Variants in CELF2 observed in about 807,000 individuals in gnomAD.
CELF2 encodes the protein CUG triplet repeat RNA-binding protein 2.
In CELF2, 8 loss-of-function variants were observed where a neutral mutation model predicts 62.6. The observed-to-expected ratio is 0.13, with a 90% CI of 0.07 to 0.23. The LOEUF is 0.23. CELF2 is among the 10% of genes least tolerant of loss of function. The probability of loss-of-function intolerance (pLI) is 1.00; values close to 1 mark genes in which losing one functional copy is unlikely to be tolerated. For synonymous variants in CELF2, 258 were observed against 250.0 expected, an observed-to-expected ratio of 1.03 and a Z score of -0.30; for missense variants, 333 against 671.0, an observed-to-expected ratio of 0.50 and a Z score of 5.56.
At chr10:10,501,415 A>C in the CELF2 span, among the ~76,000 whole-genome samples, 1 of 152,146 alleles carries the variant, frequency 6.6e-6, no homozygotes, top group Non-Finnish European at 1.5e-5. Flanking sequence ...CTTTCATTAA[A>C]TATCTCCTGT....
chr10:11,334,799 G>C lies in CELF2; in HGVS notation c.*5746G>C, dbSNP rs1323505667. On this transcript the variant is annotated 3_prime_UTR_variant, in exon 13 of 13. Transcript: ENST00000633077. ...CATCATTACAGTCCAACTCTTCTTA[G>C]ACACTAATCACTTTCTAAAAGAAGT... 1 of 152,130 alleles carries C rather than the reference G, an allele frequency of 6.6e-6. No individual in the cohort carries two copies. The highest frequency in any genetic ancestry group is 1.9e-4 in the East Asian group (1 of 5,198). The allele number at this position is 152,130 out of a possible 1,614,324, so 9.4% of individuals were successfully genotyped here.
chr10:10,753,781 G>T, the CELF2 span, among the ~76,000 whole-genome samples: 1 of 152,202 alleles, frequency 6.6e-6, no homozygotes, highest in African/African-American at 2.4e-5. Context: ...TAAAGTTTAT[G>T]CATTGAACTA....
intron 1 of CELF2, among the ~76,000 whole-genome samples, chr10:11,133,215 C>T (rs1033680157): frequency 1.3e-5 from 2 of 152,060 alleles, no homozygotes. Context: ...CCACAAGGAA[C>T]CATTAAAGAA....
At chr10:10,670,623 A>T in the CELF2 span, among the ~76,000 whole-genome samples, 1 of 152,168 alleles carries the variant, frequency 6.6e-6, no homozygotes. Context: ...TTTGTAGTTT[A>T]CATAAGGGCT....
chr10:11,079,750 C>CCT (rs35999378), intron 1 of CELF2, among the ~76,000 whole-genome samples: 37,623 of 146,130 alleles, frequency 0.26, 5,323 homozygotes, highest in Middle Eastern at 0.31. Flanking sequence ...AGCCCCCCCC[C>CCT]CCTTTTTAGG....
At chr10:11,084,985 A>G (rs1239076316) in intron 1 of CELF2, among the ~76,000 whole-genome samples, 1 of 152,212 alleles carries the variant, frequency 6.6e-6, no homozygotes, top group African/African-American at 2.4e-5. Flanking sequence ...GTATTTTTCA[A>G]AGGCTTTGGT....
At chr10:11,200,362 A>T (rs575719689) in intron 2 of CELF2, among the ~76,000 whole-genome samples, 2 of 152,358 alleles carry the variant, frequency 1.3e-5, no homozygotes, top group African/African-American at 4.8e-5. Context: ...TCCTACAGCA[A>T]AGATATGAAT....
intron 1 of CELF2, among the ~76,000 whole-genome samples, chr10:11,054,489 T>TGTGTGTGTGTGTG (rs1554804023): frequency 6.7e-6 from 1 of 149,470 alleles, no homozygotes; most frequent in African/African-American, 2.5e-5. Flanking sequence ...GTATGTGTGT[T>TGTGTGTGTGTGTG]TGTGTGTGTG....
intron 2 of CELF2, among the ~76,000 whole-genome samples, chr10:11,215,621 A>T (rs1052902268): frequency 2.2e-4 from 33 of 150,546 alleles, no homozygotes; most frequent in African/African-American, 7.6e-4. Flanking sequence ...TGGTTATTAA[A>T]TGAGGCGGTA....
chr10:10,474,534 T>A, the CELF2 span, among the ~76,000 whole-genome samples: 4 of 152,048 alleles, frequency 2.6e-5, no homozygotes, highest in African/African-American at 9.7e-5. Flanking sequence ...AATGAGTAAA[T>A]GTGACAGTTT....
At chr10:10,597,159 G>A in the CELF2 span, among the ~76,000 whole-genome samples, 9 of 152,280 alleles carry the variant, frequency 5.9e-5, no homozygotes, top group African/African-American at 2.2e-4. Flanking sequence ...GTGTTCATCA[G>A]GGATAGAAAG....
chr10:10,710,955 A>G, the CELF2 span, among the ~76,000 whole-genome samples: 128 of 152,308 alleles, frequency 8.4e-4, 1 homozygote, highest in South Asian at 9.1e-3. Context: ...TGTGGTTTTT[A>G]GAGTTTTTCT....
chr10:10,557,109 A>G, the CELF2 span, among the ~76,000 whole-genome samples: 15 of 143,716 alleles, frequency 1.0e-4, no homozygotes, highest in East Asian at 8.2e-4. Context: ...GTCCTTGCCC[A>G]TGCCTATGTC....
the CELF2 span, among the ~76,000 whole-genome samples, chr10:10,755,162 T>A: frequency 6.6e-6 from 1 of 152,234 alleles, no homozygotes; most frequent in Non-Finnish European, 1.5e-5. Flanking sequence ...ATAAAAAATC[T>A]CTATCTTAGT....
the CELF2 span, among the ~76,000 whole-genome samples, chr10:10,592,269 A>C: frequency 1.2e-4 from 19 of 152,194 alleles, no homozygotes; most frequent in Admixed American, 5.9e-4. Flanking sequence ...TCAGTTTATC[A>C]ACTCTGTCTC....
the CELF2 span, among the ~76,000 whole-genome samples, chr10:10,741,157 G>C: frequency 2.0e-5 from 3 of 152,300 alleles, no homozygotes; most frequent in East Asian, 1.9e-4. Context: ...ACATTTCACT[G>C]TGTATATGTG....
Position 11,117,580 on chromosome 10 carries a change from A to C in CELF2, c.75-47906A>C, listed in dbSNP as rs1564810998. Among the ~76,000 whole-genome samples, 1 of 152,164 alleles carries C rather than the reference A, an allele frequency of 6.6e-6. No individual in the cohort carries two copies. The highest frequency in any genetic ancestry group is 2.4e-5 in the African/African-American group (1 of 41,418). On this transcript the variant is annotated intron_variant, in intron 1 of 12. Coordinates refer to ENST00000633077, the MANE Select transcript of CELF2 (RefSeq NM_001326342.2). This position sits in a 1 kb window ranked among gnomAD's most constrained non-coding sequence, Gnocchi z 4.1. Reference sequence around the variant, plus strand: ...AGGGGTTTTTATGTCTGACTCCATAATATTTATGATAAAAACAAAAACCAC... The same window carrying C: ...AGGGGTTTTTATGTCTGACTCCATACTATTTATGATAAAAACAAAAACCAC...
chr10:10,748,515 A>T, the CELF2 span, among the ~76,000 whole-genome samples: 41 of 152,114 alleles, frequency 2.7e-4, no homozygotes, highest in African/African-American at 9.6e-4. Flanking sequence ...TTGGGAGGCT[A>T]AGGTGGGCGG....
At chr10:11,323,295 C>T (rs949899283) in intron 11 of CELF2, among the ~76,000 whole-genome samples, 3 of 151,978 alleles carry the variant, frequency 2.0e-5, no homozygotes, top group Non-Finnish European at 2.9e-5. Flanking sequence ...GGAATCATCT[C>T]CCACCTTGTC....
Sources: gnomAD v4.1 joint callset for allele counts (sites outside exome capture counted in the v4.1 genomes callset) on GRCh38, gnomAD v4.1.1 for gene constraint, Gnocchi (gnomAD v3.1) non-coding constraint, MANE v1.5 for transcripts, NCBI Gene and HGNC (gene_info 2026-07-23, HGNC 2026-07-21) for gene names.